Variants in RALGPS1 observed in about 807,000 individuals in gnomAD.
RALGPS1 encodes Ral GEF with PH domain and SH3 binding motif 1.
Under a neutral mutation model 78.8 loss-of-function variants are expected in RALGPS1, and 19 were observed. The observed-to-expected ratio is 0.24, with a 90% CI of 0.17 to 0.35. The LOEUF is 0.35. Ranked by LOEUF, RALGPS1 falls within the 10% of genes least tolerant of loss-of-function variation. RALGPS1 has a pLI of 1.00. For synonymous variants in RALGPS1, 228 were observed against 256.3 expected (o/e 0.89, Z 1.06); for missense variants, 454 against 688.3 (o/e 0.66, Z 3.81).
chr9:126,931,364 A>G (rs963555258), intron 1 of RALGPS1, among the ~76,000 whole-genome samples: 10 of 152,344 alleles, frequency 6.6e-5, no homozygotes, highest in Admixed American at 6.5e-4. Context: ...AAATGGAAAC[A>G]ACCCAAATAT....
At chr9:126,994,602 C>T (rs1258258689) in intron 4 of RALGPS1, among the ~76,000 whole-genome samples, 1 of 152,242 alleles carries the variant, frequency 6.6e-6, no homozygotes, top group African/African-American at 2.4e-5. Context: ...TTGGAAAACA[C>T]TCTGCAGGAT....
intron 1 of RALGPS1, 25 bp downstream of exon 1, chr9:126,915,000 G>T: frequency 6.6e-6 from 1 of 151,052 alleles, no homozygotes; most frequent in South Asian, 1.8e-4. Context: ...CTGCGGCGGC[G>T]GGGAGAGCGG....
chr9:126,998,711 A>C (rs961301454), intron 4 of RALGPS1, among the ~76,000 whole-genome samples: 79 of 152,244 alleles, frequency 5.2e-4, no homozygotes, highest in African/African-American at 1.9e-3. Flanking sequence ...ATAAAGACAC[A>C]TGCACACGTA....
intron 8 of RALGPS1, among the ~76,000 whole-genome samples, chr9:127,165,503 T>C (rs550487994): frequency 6.6e-6 from 1 of 152,374 alleles, no homozygotes; most frequent in South Asian, 2.1e-4. Flanking sequence ...TTATTTCACA[T>C]CTTATTTTCT....
intron 8 of RALGPS1, among the ~76,000 whole-genome samples, chr9:127,077,218 G>C (rs1452512725): frequency 6.6e-6 from 1 of 152,182 alleles, no homozygotes; most frequent in Admixed American, 6.5e-5. Context: ...GGTCAGGCTG[G>C]AGGAGTGAAG....
intron 1 of RALGPS1, among the ~76,000 whole-genome samples, chr9:126,923,370 A>T (rs762704656): frequency 6.6e-6 from 1 of 152,204 alleles, no homozygotes; most frequent in Non-Finnish European, 1.5e-5. Context: ...GCCTGTTCTC[A>T]TGCTCCTGGC....
chr9:127,142,360 G>A (rs1311447945), intron 8 of RALGPS1, among the ~76,000 whole-genome samples: 3 of 152,180 alleles, frequency 2.0e-5, no homozygotes, highest in African/African-American at 7.2e-5. Context: ...TGCTGCGAGT[G>A]GTCTGTGAGA....
intron 8 of RALGPS1, among the ~76,000 whole-genome samples, chr9:127,081,225 T>C (rs982382896): frequency 1.0e-4 from 13 of 128,180 alleles, no homozygotes; most frequent in African/African-American, 3.2e-4. Context: ...AGGCACAAAA[T>C]GGCATTTTTT....
chr9:127,050,098 C>T lies in RALGPS1; in HGVS notation c.356C>T (p.Ala119Val). ...ACAGCACAGACTTTAAAAATAAGGG[C>T]AGAAATCCTCAGCCATTTTGTGAAA... ...ILTAQTLKIR[A>V]EILSHFVKIA... Residue 119 changes from alanine to valine, a missense_variant, in exon 6 of 19, where the codon GCA becomes GTA. Ala to Val is a moderately conservative substitution (Grantham distance 64). Transcript: ENST00000259351. 6.2e-7 allele frequency: 1 copy of T among 1,613,930 alleles called. No individual in the cohort carries two copies. Among genetic ancestry groups the T allele is most frequent in the Non-Finnish European group, 8.5e-7 (1 of 1,179,808 alleles).
At chr9:126,927,593 C>T (rs949379159) in intron 1 of RALGPS1, among the ~76,000 whole-genome samples, 6 of 152,178 alleles carry the variant, frequency 3.9e-5, no homozygotes, top group South Asian at 2.1e-4. Flanking sequence ...CCTTTGTTGT[C>T]GTGTGCAGAA....
chr9:127,019,136 A>C (rs1477062582), intron 4 of RALGPS1, among the ~76,000 whole-genome samples: 1 of 152,184 alleles, frequency 6.6e-6, no homozygotes, highest in Non-Finnish European at 1.5e-5. Flanking sequence ...TCATGAGAGA[A>C]TTAAGCCTTG....
At position 127,140,074 on chromosome 9, in the gene RALGPS1, A is replaced by G. The variant is rs79628219; in HGVS notation, c.611-25995A>G. Among the ~76,000 whole-genome samples the G allele has an allele frequency of 4.0e-3, 616 of 152,256 alleles. 8 individuals carry two copies. The highest frequency in any genetic ancestry group is 0.028 in the East Asian group (146 of 5,180). ...CAACACTGGTCAGCTTTTGTATATT[A>G]TTATTATTGTTGTCACCCTTATCAC... On this transcript the variant is annotated intron_variant, in intron 8 of 18. Transcript: ENST00000259351.
chr9:126,953,382 T>TGTGTGTGTGTGCGC (rs1364396531), intron 1 of RALGPS1, among the ~76,000 whole-genome samples: 2 of 151,832 alleles, frequency 1.3e-5, no homozygotes, highest in Admixed American at 6.6e-5. Context: ...TGCGTGTGTG[T>TGTGTGTGTGTGCGC]GTGTGTGTGC....
intron 4 of RALGPS1, among the ~76,000 whole-genome samples, chr9:127,019,117 A>G (rs139455976): frequency 1.3e-5 from 2 of 152,296 alleles, no homozygotes; most frequent in Non-Finnish European, 2.9e-5. Flanking sequence ...GCCTTTCGCA[A>G]CCAGGATTTC....
chr9:127,107,856 A>G, intron 8 of RALGPS1: 1 of 1,484,898 alleles, frequency 6.7e-7, no homozygotes, highest in Non-Finnish European at 9.0e-7. Flanking sequence ...GACACAGCCA[A>G]GGGAAGCCTG....
intron 8 of RALGPS1, among the ~76,000 whole-genome samples, chr9:127,119,422 G>A (rs949733039): frequency 6.6e-6 from 1 of 152,194 alleles, no homozygotes; most frequent in African/African-American, 2.4e-5. Context: ...AGAAGTTGAG[G>A]TGTCTAAACA....
chr9:127,178,320 G>A (rs957719377), intron 11 of RALGPS1: 42 of 429,090 alleles, frequency 9.8e-5, no homozygotes, highest in Non-Finnish European at 1.5e-4. Flanking sequence ...GAAGTGGCAA[G>A]TGGGCAGGGC....
At chr9:127,134,090 T>C (rs1248939757) in intron 8 of RALGPS1, among the ~76,000 whole-genome samples, 1 of 151,962 alleles carries the variant, frequency 6.6e-6, no homozygotes, top group African/African-American at 2.4e-5. Flanking sequence ...GCCATCCAGC[T>C]GCAGCAGGCG....
In RALGPS1 at chr9:127,221,071, A is replaced by C. The variant is rs559205621; in HGVS notation, c.*2302A>C. 6.6e-6 allele frequency: 1 copy of C among 152,500 alleles called. No homozygotes were observed. The highest frequency in any genetic ancestry group is 2.1e-4 in the South Asian group (1 of 4,824). 9.4% of individuals were successfully genotyped at this position (152,500 alleles called of 1,614,324 possible). On this transcript the variant is annotated 3_prime_UTR_variant, in exon 19 of 19. Transcript: ENST00000259351. ...TTGTTGGCAAAAGCCTTATAGAAGCAGTAAGAGGCTTGACCACGCCGGAAG... is the reference window on the plus strand; with the variant it reads ...TTGTTGGCAAAAGCCTTATAGAAGCCGTAAGAGGCTTGACCACGCCGGAAG...
Sources: gnomAD v4.1 joint callset for allele counts (sites outside exome capture counted in the v4.1 genomes callset) on GRCh38, gnomAD v4.1.1 for gene constraint, MANE v1.5 for transcripts, NCBI Gene and HGNC (gene_info 2026-07-23, HGNC 2026-07-21) for gene names.